ABR: variants seen among roughly 807,000 people sequenced by gnomAD.
ABR encodes the protein ABR activator of RhoGEF and GTPase.
Under a neutral mutation model 107.2 loss-of-function variants are expected in ABR, and 35 were observed. The ratio of observed to expected loss-of-function variants is 0.33; its 90% CI spans 0.25 to 0.43. The LOEUF (loss-of-function observed/expected upper bound fraction) is 0.43. Among genes scored for constraint, ABR ranks in the 20% least tolerant of loss-of-function variants. The pLI is 1.00. For synonymous variants in ABR, 498 were observed against 462.0 expected (o/e 1.08, Z -1.00); for missense variants, 815 against 1,115.2 (o/e 0.73, Z 3.83).
At position 1,051,723 on chromosome 17, in the gene ABR, A is replaced by G. The variant is rs1045519534; in HGVS notation, c.1562-1089T>C. On this transcript the variant is annotated intron_variant, in intron 14 of 22. Transcript: ENST00000302538. This position sits in a 1 kb window ranked among gnomAD's most constrained non-coding sequence, Gnocchi z 4.3. ...AGGTCACAGTGCGGGCATACAGTGC[A>G]GGTGGCTTACTCCACTTAGCCCCTG... Among the ~76,000 whole-genome samples the G allele has an allele frequency of 6.6e-6, 1 of 152,220 alleles. No homozygotes were observed. Among genetic ancestry groups the G allele is most frequent in the Non-Finnish European group, 1.5e-5 (1 of 68,034 alleles).
chr17:1,205,577 A>G (rs1489428635), intron 1 of ABR, among the ~76,000 whole-genome samples: 1 of 152,182 alleles, frequency 6.6e-6, no homozygotes, highest in Admixed American at 6.5e-5. Flanking sequence ...TTGGGAGGCC[A>G]AGGCAGGAGG....
At chr17:1,187,879 G>GT (rs924483061), upstream of ABR, among the ~76,000 whole-genome samples, 14 of 150,834 alleles carry the variant, frequency 9.3e-5, no homozygotes, top group African/African-American at 3.5e-4. Flanking sequence ...GGGTGCGACA[G>GT]AGTGAGGCTC....
intron 16 of ABR, among the ~76,000 whole-genome samples, chr17:1,026,163 T>A (rs908768058): frequency 2.6e-5 from 4 of 152,228 alleles, no homozygotes; most frequent in Non-Finnish European, 5.9e-5. Context: ...TTCAGCTCCT[T>A]CATTGAGCTG....
intron 1 of ABR, among the ~76,000 whole-genome samples, chr17:1,170,901 C>A (rs868390120): frequency 6.6e-6 from 1 of 152,100 alleles, no homozygotes; most frequent in South Asian, 2.1e-4. Flanking sequence ...AAGAGGCTCC[C>A]GTGGGCGCCA....
chr17:1,047,593 C>T (rs532295812), intron 16 of ABR, among the ~76,000 whole-genome samples: 5 of 152,222 alleles, frequency 3.3e-5, no homozygotes, highest in African/African-American at 1.2e-4. Flanking sequence ...CTGAACTGTC[C>T]GCTCACAGGC....
chr17:1,034,425 C>T (rs1567619647), intron 16 of ABR, among the ~76,000 whole-genome samples: 1 of 152,134 alleles, frequency 6.6e-6, no homozygotes, highest in Non-Finnish European at 1.5e-5. Context: ...GCATTTGGCA[C>T]GGGTCACTTG....
chr17:1,100,965 A>T, intron 2 of ABR: 1 of 562,000 alleles, frequency 1.8e-6, no homozygotes, highest in Non-Finnish European at 3.2e-6. Flanking sequence ...CTGGGATTAC[A>T]GGCACCTGCC....
intron 16 of ABR, among the ~76,000 whole-genome samples, chr17:1,024,306 G>C (rs553328569): frequency 5.3e-5 from 8 of 152,310 alleles, no homozygotes; most frequent in African/African-American, 1.9e-4. Flanking sequence ...TGACGGGCAG[G>C]AGCCCGGCGT....
At chr17:1,033,555 AC>A (rs1174611434) in intron 16 of ABR, among the ~76,000 whole-genome samples, 1 of 152,122 alleles carries the variant, frequency 6.6e-6, no homozygotes, top group African/African-American at 2.4e-5. Context: ...ACTATCTTCC[AC>A]CTGGCTGGTG....
At chr17:1,180,446 G>T (rs2042097020), upstream of ABR, among the ~76,000 whole-genome samples, 2 of 152,152 alleles carry the variant, frequency 1.3e-5, no homozygotes, top group South Asian at 4.1e-4. Context: ...ACCTTCCCCC[G>T]CTCGTCCCTT....
At chr17:1,083,785 A>C in intron 4 of ABR, 158 bp from the exon 5 acceptor site, 1 of 644,798 alleles carries the variant, frequency 1.6e-6, no homozygotes, top group African/African-American at 1.8e-5. Flanking sequence ...TGAACATATT[A>C]CAGTGTCCCT....
At chr17:1,012,062 C>G in intron 18 of ABR, 77 bp from the exon 19 acceptor site, 1 of 1,598,346 alleles carries the variant, frequency 6.3e-7, no homozygotes, top group Non-Finnish European at 8.5e-7. Flanking sequence ...CCAGCACACA[C>G]ACACCCTGGA....
chr17:1,062,904 C>T, intron 10 of ABR, among the ~76,000 whole-genome samples: 1 of 141,988 alleles, frequency 7.0e-6, no homozygotes, highest in East Asian at 2.0e-4. Context: ...TATGCATGTT[C>T]CTCTAGATGC....
rs552297571 is a variant in ABR at position 1,125,466 on chromosome 17, G to A, written c.62-99C>T. 4.0e-4 allele frequency: 563 copies of A among 1,421,478 alleles called. 2 individuals carry two copies. In the African/African-American group the frequency reaches 6.9e-3, roughly 17 times the overall value. The allele number at this position is 1,421,478 out of a possible 1,614,324, so 88.1% of individuals were successfully genotyped here. On this transcript the variant is annotated intron_variant, in intron 1 of 22. Coordinates refer to ENST00000302538, the MANE Select transcript of ABR (RefSeq NM_021962.5). ...CCGGCGGCGGCCCCCGGCAGCCATG[G>A]CCCCGGCCGCACCATCCACGCCTGG...
At position 1,078,010 on chromosome 17, in the gene ABR, T is replaced by G. The variant is rs1056818037; in HGVS notation, c.700+1320A>C. Among the ~76,000 whole-genome samples the G allele has an allele frequency of 7.1e-6, 1 of 141,562 alleles. No homozygotes were observed. The highest frequency in any genetic ancestry group is 2.7e-5 in the African/African-American group (1 of 36,580). 92.9% of individuals were successfully genotyped at this position (141,562 alleles called of 152,430 possible). A position where few individuals can be genotyped will look rare whatever the true frequency, so the allele number is the denominator to read the frequency against. ...ATCCTCCTACGACCGACAGTCGTGT[T>G]GATGACATGCACCTGTCCCGGGACT... On this transcript the variant is annotated intron_variant, in intron 6 of 22. Coordinates refer to ENST00000302538, the MANE Select transcript of ABR (RefSeq NM_021962.5). The surrounding 1 kb of genome is among the most constrained non-coding windows in gnomAD (Gnocchi z 7.5).
intron 1 of ABR, among the ~76,000 whole-genome samples, chr17:1,205,948 GAA>G (rs374658002): frequency 7.0e-6 from 1 of 143,436 alleles, no homozygotes; most frequent in Non-Finnish European, 1.5e-5. Flanking sequence ...CTCGAAAAAA[GAA>G]AAAAAAAATA....
exon 1 of ABR, among the ~76,000 whole-genome samples, chr17:1,229,579 C>T (rs1451391566): frequency 6.6e-6 from 1 of 152,078 alleles, no homozygotes; most frequent in Non-Finnish European, 1.5e-5. Flanking sequence ...GGCGCCTCCG[C>T]CCCGGGGAAC....
intron 16 of ABR, among the ~76,000 whole-genome samples, chr17:1,045,395 CAATCTTCCGTCTTCTTACAGCAGG>C (rs2031419007): frequency 8.0e-6 from 1 of 125,748 alleles, no homozygotes; most frequent in Non-Finnish European, 1.8e-5. Flanking sequence ...TACAGCAGGA[CAATCTTCCGTCTTCTTACAGCAGG>C]ACAATCTTCC....
chr17:1,066,351 G>A (rs920603084), intron 10 of ABR, among the ~76,000 whole-genome samples: 1 of 152,180 alleles, frequency 6.6e-6, no homozygotes, highest in East Asian at 1.9e-4. Context: ...CAGGGCACAA[G>A]CTTCTCTGCA....
Sources: gnomAD v4.1 joint callset for allele counts (sites outside exome capture counted in the v4.1 genomes callset) on GRCh38, gnomAD v4.1.1 for gene constraint, Gnocchi (gnomAD v3.1) non-coding constraint, MANE v1.5 for transcripts, NCBI Gene and HGNC (gene_info 2026-07-23, HGNC 2026-07-21) for gene names.